ARHGEF18: variants seen among roughly 807,000 people sequenced by gnomAD.
ARHGEF18 encodes Rho/Rac guanine nucleotide exchange factor 18, also known as rho guanine nucleotide exchange factor 18.
Under a neutral mutation model 155.7 loss-of-function variants are expected in ARHGEF18, and 93 were observed. The observed-to-expected ratio is 0.60, with a 90% CI of 0.50 to 0.71. ARHGEF18 has a LOEUF of 0.71. Ranked by LOEUF, ARHGEF18 falls within the 30% of genes least tolerant of loss-of-function variation. The pLI is 0.00. For synonymous variants in ARHGEF18, 742 were observed against 753.1 expected (o/e 0.99, Z 0.24); for missense variants, 1,593 against 1,816.1 (o/e 0.88, Z 2.23).
chr19:7,441,623 A>G, intron 11 of ARHGEF18, 30 bp from the exon 12 acceptor site: 1 of 1,578,408 alleles, frequency 6.3e-7, no homozygotes, highest in Non-Finnish European at 8.7e-7. Flanking sequence ...TCACTTTTCT[A>G]AAACAATTGT....
chr19:7,477,770 G>A, the ARHGEF18 span, among the ~76,000 whole-genome samples: 5 of 152,236 alleles, frequency 3.3e-5, no homozygotes, highest in African/African-American at 9.6e-5. Context: ...CCCCAGGAGC[G>A]TGGCCTGTGC....
intron 10 of ARHGEF18, among the ~76,000 whole-genome samples, chr19:7,385,483 A>ATTG (rs1403468815): frequency 7.7e-5 from 11 of 142,596 alleles, no homozygotes; most frequent in African/African-American, 1.0e-4. Flanking sequence ...TATTATTATT[A>ATTG]TTATTATTTT....
At chr19:7,468,102 G>A (rs1480733905) in intron 26 of ARHGEF18, among the ~76,000 whole-genome samples, 1 of 152,142 alleles carries the variant, frequency 6.6e-6, no homozygotes, top group Non-Finnish European at 1.5e-5. Context: ...TTGGAATGCT[G>A]AGGTGGGAGG....
intron 11 of ARHGEF18, 67 bp from the exon 12 acceptor site, chr19:7,441,586 T>A (rs1367072095): frequency 4.0e-6 from 5 of 1,245,186 alleles, no homozygotes; most frequent in Non-Finnish European, 5.9e-6. Context: ...GATGTGCCTT[T>A]GTTGCATGAG....
chr19:7,403,686 C>T (rs530139590), intron 10 of ARHGEF18, among the ~76,000 whole-genome samples: 210 of 151,974 alleles, frequency 1.4e-3, no homozygotes, highest in South Asian at 4.0e-3. Context: ...TACAGGTGTG[C>T]GCCACCGTGC....
At chr19:7,477,502 A>C in the ARHGEF18 span, 2 of 1,289,904 alleles carry the variant, frequency 1.6e-6, no homozygotes, top group Non-Finnish European at 1.0e-6. Flanking sequence ...AAGCCCCTGA[A>C]TGCCCTGTGT....
At chr19:7,409,734 G>A (rs1392467958) in intron 10 of ARHGEF18, among the ~76,000 whole-genome samples, 1 of 150,764 alleles carries the variant, frequency 6.6e-6, no homozygotes, top group Non-Finnish European at 1.5e-5. Context: ...GAGCCATCGC[G>A]CCTGGCCTGT....
downstream of ARHGEF18, among the ~76,000 whole-genome samples, chr19:7,476,610 G>C (rs574538077): frequency 6.6e-6 from 1 of 152,382 alleles, no homozygotes; most frequent in East Asian, 1.9e-4. Context: ...ACAGTGGCAT[G>C]AGGCCACGCC....
At chr19:7,365,917 C>T (rs894934273) in intron 2 of ARHGEF18, among the ~76,000 whole-genome samples, 1 of 152,150 alleles carries the variant, frequency 6.6e-6, no homozygotes, top group African/African-American at 2.4e-5. Flanking sequence ...TGGCCCCATC[C>T]AAGCCCATCT....
At chr19:7,389,462 C>T (rs951806736) in intron 10 of ARHGEF18, among the ~76,000 whole-genome samples, 7 of 149,766 alleles carry the variant, frequency 4.7e-5, no homozygotes, top group Admixed American at 4.0e-4. Flanking sequence ...ATCCACCCTA[C>T]ATTTTCTTCC....
intron 3 of ARHGEF18, among the ~76,000 whole-genome samples, chr19:7,375,398 GAAAGGAAGGAAGA>G (rs925202796): frequency 4.0e-5 from 6 of 150,148 alleles, no homozygotes; most frequent in South Asian, 4.2e-4. Flanking sequence ...AAGGAAGGAA[GAAAGGAAGGAAGA>G]AAAGGAAGGA....
intron 27 of ARHGEF18, among the ~76,000 whole-genome samples, chr19:7,469,648 G>T (rs902406582): frequency 6.6e-6 from 1 of 152,156 alleles, no homozygotes; most frequent in Non-Finnish European, 1.5e-5. Flanking sequence ...GGTCACTAGG[G>T]CCTGTGCTAT....
At chr19:7,475,126 G>A (rs145692677), downstream of ARHGEF18, among the ~76,000 whole-genome samples, 669 of 152,258 alleles carry the variant, frequency 4.4e-3, 3 homozygotes, top group African/African-American at 0.015. Context: ...CCAGCTACTC[G>A]GGAGGCTGAG....
At chr19:7,367,376 G>T (rs896602473) in intron 2 of ARHGEF18, among the ~76,000 whole-genome samples, 1 of 152,074 alleles carries the variant, frequency 6.6e-6, no homozygotes, top group Non-Finnish European at 1.5e-5. Flanking sequence ...GGCCGAGGTG[G>T]GATGGTCACT....
rs1172052013 is a variant in ARHGEF18 at position 7,439,932 on chromosome 19, C to G, written c.968-412C>G. ...ATCAAAGCAGCAAATACTGCAATTT[C>G]CACAGTAAATGGTCACAGTGGGGAC... On this transcript the variant is annotated intron_variant, in intron 10 of 28. Coordinates refer to ENST00000668164, the MANE Select transcript of ARHGEF18 (RefSeq NM_001367823.1). 6.1e-6 allele frequency: 9 copies of G among 1,482,544 alleles called. No homozygotes were observed. In the African/African-American group the frequency reaches 1.1e-4, roughly 19 times the overall value. 91.8% of individuals were successfully genotyped at this position (1,482,544 alleles called of 1,614,324 possible).
At chr19:7,474,143 A>C (rs2145937015), downstream of ARHGEF18, among the ~76,000 whole-genome samples, 1 of 152,142 alleles carries the variant, frequency 6.6e-6, no homozygotes, top group East Asian at 2.0e-4. Flanking sequence ...GTTTGAGACC[A>C]GCCTGGCCAA....
intron 10 of ARHGEF18, chr19:7,392,721 G>GAAAAAAAAAAA (rs112251185): frequency 1.4e-5 from 1 of 72,828 alleles, no homozygotes; most frequent in African/African-American, 3.6e-5. Flanking sequence ...TCTCAAGAAA[G>GAAAAAAAAAAA]AAAAAAAAAA....
intron 10 of ARHGEF18, among the ~76,000 whole-genome samples, chr19:7,427,681 C>T (rs902644080): frequency 6.6e-6 from 1 of 150,812 alleles, no homozygotes; most frequent in Non-Finnish European, 1.5e-5. Flanking sequence ...CGCAGTGGCT[C>T]ACACCTGTAA....
rs780925925 is a variant in ARHGEF18 at position 7,451,187 on chromosome 19, G to A, written c.1776G>A (p.Val592=). 6.4e-7 allele frequency: 1 copy of A among 1,569,008 alleles called. No individual in the cohort carries two copies. Residue 592 remains valine, a synonymous_variant, in exon 16 of 29, where the codon GTG becomes GTA. Transcript: ENST00000668164. ...GNFSIVRRLG[V]QECILLVTQR... ...TCTCCATCGTGCGGCGGCTTGGCGT[G>A]CAGGAGTGCATTCTCCTGGTTACAC...
Sources: allele counts gnomAD v4.1 joint callset (sites outside exome capture counted in the v4.1 genomes callset), GRCh38; gene constraint gnomAD v4.1.1; transcripts MANE v1.5; gene names NCBI Gene and HGNC (gene_info 2026-07-23, HGNC 2026-07-21).